Variants in GNB4 observed in about 807,000 individuals in gnomAD.
GNB4 encodes the protein G protein subunit beta 4.
A neutral mutation model predicts 45.2 loss-of-function variants in GNB4; 28 were observed. That is an observed-to-expected ratio of 0.62 (90% CI 0.46 to 0.85). The LOEUF is 0.85. Among genes scored for constraint, GNB4 ranks in the 40% least tolerant of loss-of-function variants. The pLI is 0.00. For synonymous variants in GNB4, 132 were observed against 143.7 expected (o/e 0.92, Z 0.58); for missense variants, 321 against 425.4 (o/e 0.75, Z 2.16).
At chr3:179,482,184 C>CCA in the GNB4 span, among the ~76,000 whole-genome samples, 1 of 152,296 alleles carries the variant, frequency 6.6e-6, no homozygotes, top group South Asian at 2.1e-4. Context: ...GCGTGAACCA[C>CCA]CACACCTGGC....
chr3:179,459,778 T>C, the GNB4 span, among the ~76,000 whole-genome samples: 1 of 152,192 alleles, frequency 6.6e-6, no homozygotes, highest in African/African-American at 2.4e-5. Flanking sequence ...TACGAATATT[T>C]TATTTCCTGC....
At chr3:179,450,881 G>A (rs551586914) in intron 1 of GNB4, 3 of 152,268 alleles carry the variant, frequency 2.0e-5, no homozygotes, top group Admixed American at 2.0e-4. Context: ...GACTAATTTT[G>A]GACTCAGCGT....
chr3:179,523,666 G>C, the GNB4 span, among the ~76,000 whole-genome samples: 1 of 152,144 alleles, frequency 6.6e-6, no homozygotes, highest in Admixed American at 6.5e-5. Flanking sequence ...TGTGCTGTGG[G>C]ATGGGATATT....
the GNB4 span, among the ~76,000 whole-genome samples, chr3:179,472,901 C>T: frequency 8.5e-5 from 13 of 152,276 alleles, no homozygotes; most frequent in Middle Eastern, 3.4e-3. Context: ...CGGTGGCTCA[C>T]GCCTGTAATC....
At position 179,413,592 on chromosome 3, in the gene GNB4, A is replaced by G; in HGVS notation, c.519T>C (p.Thr173=). ...CAGTGAATGTGGTGGTCTGCTGGGC[A>G]GTTTCGATGTCCCATAAAGCACTGT... The part of the protein sequence containing the change: ...DTTCALWDIE[T]AQQTTTFTGH... Residue 173 remains threonine (T), a synonymous_variant, in exon 8 of 10, where the codon ACT becomes ACC. Coordinates refer to ENST00000232564, the MANE Select transcript of GNB4 (RefSeq NM_021629.4). 6.2e-7 allele frequency: 1 copy of G among 1,614,196 alleles called. No homozygotes were observed. Among genetic ancestry groups the G allele is most frequent in the South Asian group, 1.1e-5 (1 of 91,082 alleles).
In GNB4 at chr3:179,396,967, G is replaced by T. The variant is rs1453841418; in HGVS notation, c.*4246C>A. 1 of 152,096 alleles carries T rather than the reference G, an allele frequency of 6.6e-6. No individual in the cohort carries two copies. The highest frequency in any genetic ancestry group is 1.5e-5 in the Non-Finnish European group (1 of 68,026). 9.4% of individuals were successfully genotyped at this position (152,096 alleles called of 1,614,324 possible). On this transcript the variant is annotated 3_prime_UTR_variant, in exon 10 of 10. Transcript: ENST00000232564. Reference sequence around the variant, plus strand: ...CATTGTGCAACCCATAAGAAAGATGGTCCAACCTGTGGGTATTTTTAAAAA... The same window carrying T: ...CATTGTGCAACCCATAAGAAAGATGTTCCAACCTGTGGGTATTTTTAAAAA...
chr3:179,505,153 C>T, the GNB4 span, among the ~76,000 whole-genome samples: 1 of 152,152 alleles, frequency 6.6e-6, no homozygotes, highest in Non-Finnish European at 1.5e-5. Flanking sequence ...GCACCTGTTA[C>T]AGGCCTATAC....
chr3:179,515,208 A>G, the GNB4 span, among the ~76,000 whole-genome samples: 5 of 152,254 alleles, frequency 3.3e-5, no homozygotes, highest in African/African-American at 4.8e-5. Context: ...TGTGTCAGAT[A>G]GTATTCTAAG....
At chr3:179,409,337 T>G (rs1359469387) in intron 8 of GNB4, among the ~76,000 whole-genome samples, 1 of 148,614 alleles carries the variant, frequency 6.7e-6, no homozygotes, top group African/African-American at 2.5e-5. Flanking sequence ...TGGAGAAACC[T>G]CGTCTCCACT....
intron 3 of GNB4, 69 bp downstream of exon 3, chr3:179,420,820 T>C: frequency 1.1e-6 from 1 of 926,598 alleles, no homozygotes; most frequent in East Asian, 2.4e-5. Flanking sequence ...AGAATCTGAA[T>C]GTCATTTGCC....
chr3:179,465,188 C>T, the GNB4 span: 1 of 1,298,336 alleles, frequency 7.7e-7, no homozygotes, highest in Non-Finnish European at 1.1e-6. Flanking sequence ...AGTTCATGAT[C>T]CTGTAACTGC....
Position 179,403,351 on chromosome 3 carries a change from T to A in GNB4, c.916+1839A>T, listed in dbSNP as rs1714362671. 4.0e-5 allele frequency among the ~76,000 whole-genome samples: 6 copies of A among 148,754 alleles called. No individual in the cohort carries two copies. The South Asian group carries it at 1.3e-3, about 31-fold the overall frequency. On this transcript the variant is annotated intron_variant, in intron 9 of 9. Coordinates refer to ENST00000232564, the MANE Select transcript of GNB4 (RefSeq NM_021629.4). ...AAAGATGATGCTTGAAGAAGAAACT[T>A]AAAAAAAAAATTCTTTCACTAATAA...
chr3:179,496,702 A>G, the GNB4 span, among the ~76,000 whole-genome samples: 1 of 152,122 alleles, frequency 6.6e-6, no homozygotes, highest in African/African-American at 2.4e-5. Flanking sequence ...TACTTATAGG[A>G]GACAAAATAT....
the GNB4 span, among the ~76,000 whole-genome samples, chr3:179,491,492 C>T: frequency 1.3e-5 from 2 of 152,136 alleles, no homozygotes; most frequent in African/African-American, 4.8e-5. Context: ...ATTAGGTTGT[C>T]CCAGGAATGA....
At chr3:179,521,098 C>T in the GNB4 span, among the ~76,000 whole-genome samples, 1 of 152,152 alleles carries the variant, frequency 6.6e-6, no homozygotes, top group African/African-American at 2.4e-5. Flanking sequence ...TACTCACATG[C>T]CCCAAGTCAG....
At chr3:179,423,292 T>C (rs115617187) in intron 2 of GNB4, among the ~76,000 whole-genome samples, 3,347 of 152,272 alleles carry the variant, frequency 0.022, 125 homozygotes, top group African/African-American at 0.076. Flanking sequence ...GGGGCAAATA[T>C]GCACAAGAAC....
At chr3:179,450,516 C>G (rs1426373376) in intron 1 of GNB4, among the ~76,000 whole-genome samples, 1 of 152,146 alleles carries the variant, frequency 6.6e-6, no homozygotes, top group Non-Finnish European at 1.5e-5. Flanking sequence ...CGCCAAGCTA[C>G]TTTGTCGGTG....
intron 4 of GNB4, among the ~76,000 whole-genome samples, chr3:179,418,334 G>A (rs1714863320): frequency 6.6e-6 from 1 of 151,836 alleles, no homozygotes; most frequent in African/African-American, 2.4e-5. Context: ...GTCAGGCGTG[G>A]TTGTGGATGT....
chr3:179,404,520 CAACAA>C, intron 9 of GNB4, among the ~76,000 whole-genome samples: 1 of 151,642 alleles, frequency 6.6e-6, no homozygotes, highest in East Asian at 1.9e-4. Flanking sequence ...GACCCTGTCC[CAACAA>C]AACAAAACAA....
Sources: allele counts gnomAD v4.1 joint callset (sites outside exome capture counted in the v4.1 genomes callset), GRCh38; gene constraint gnomAD v4.1.1; transcripts MANE v1.5; gene names NCBI Gene and HGNC (gene_info 2026-07-23, HGNC 2026-07-21).